Variants in SLC25A12 observed in about 807,000 individuals in gnomAD.
SLC25A12 encodes solute carrier family 25 member 12, also known as electrogenic aspartate/glutamate antiporter SLC25A12, mitochondrial.
In SLC25A12, 32 loss-of-function variants were observed where a neutral mutation model predicts 83.3. The ratio of observed to expected loss-of-function variants is 0.38; its 90% confidence interval spans 0.29 to 0.52. SLC25A12 has a LOEUF of 0.52. Ranked by LOEUF, SLC25A12 falls within the 20% of genes least tolerant of loss-of-function variation. SLC25A12 has a pLI of 0.84. For synonymous variants in SLC25A12, 267 were observed against 291.1 expected (o/e 0.92, Z 0.84); for missense variants, 611 against 835.6 (o/e 0.73, Z 3.31).
chr2:171,788,464 G>A (rs1226545316), intron 15 of SLC25A12: 1 of 167,674 alleles, frequency 6.0e-6, no homozygotes, highest in Non-Finnish European at 1.3e-5. Flanking sequence ...AGAGTTGACT[G>A]TGACTCCTTT....
intron 13 of SLC25A12, among the ~76,000 whole-genome samples, chr2:171,806,485 G>C (rs1683833552): frequency 6.6e-6 from 1 of 151,996 alleles, no homozygotes; most frequent in Non-Finnish European, 1.5e-5. Flanking sequence ...AAACAAACCA[G>C]ATAATAAAAC....
At chr2:171,847,583 C>CT (rs199794922) in intron 4 of SLC25A12, among the ~76,000 whole-genome samples, 198 of 152,078 alleles carry the variant, frequency 1.3e-3, no homozygotes, top group Middle Eastern at 3.4e-3. Context: ...AAACAAGGAT[C>CT]TTTTTTTTGC....
intron 5 of SLC25A12, among the ~76,000 whole-genome samples, chr2:171,843,766 G>C (rs1474136321): frequency 6.6e-6 from 1 of 151,090 alleles, no homozygotes; most frequent in African/African-American, 2.4e-5. Flanking sequence ...CTGTGATAAA[G>C]AGGGAGAGGA....
At chr2:171,820,663 G>C (rs1188281311) in intron 9 of SLC25A12, among the ~76,000 whole-genome samples, 1 of 142,254 alleles carries the variant, frequency 7.0e-6, no homozygotes, top group Non-Finnish European at 1.6e-5. Flanking sequence ...GGGAGGCGGA[G>C]CTTGCAGTGA....
rs1684334071 is a variant in SLC25A12, at chr2:171,827,647, G to A, written c.846-765C>T. 2.0e-5 allele frequency among the ~76,000 whole-genome samples: 3 copies of A among 152,210 alleles called. No individual in the cohort carries two copies. The South Asian group carries it at 6.2e-4, about 32-fold the overall frequency. ...GCTCTTGAGCTGCTTGCTCAAGCCT[G>A]CTCCTGATCTGTGGAGTATACTTTT... On this transcript the variant is annotated intron_variant, in intron 8 of 17. Coordinates refer to ENST00000422440, the MANE Select transcript of SLC25A12 (RefSeq NM_003705.5).
chr2:171,807,350 C>G (rs537690303), intron 13 of SLC25A12, among the ~76,000 whole-genome samples: 1 of 152,232 alleles, frequency 6.6e-6, no homozygotes, highest in South Asian at 2.1e-4. Context: ...TCAAGGCAAC[C>G]CAGACTTCAA....
At chr2:171,838,229 G>C (rs1164033030) in intron 5 of SLC25A12, among the ~76,000 whole-genome samples, 5 of 152,082 alleles carry the variant, frequency 3.3e-5, no homozygotes, top group African/African-American at 1.2e-4. Flanking sequence ...ACAAATTAAT[G>C]TTGCTTTAAC....
At chr2:171,838,773 C>G (rs932265306) in intron 5 of SLC25A12, among the ~76,000 whole-genome samples, 7 of 152,178 alleles carry the variant, frequency 4.6e-5, no homozygotes, top group African/African-American at 1.7e-4. Flanking sequence ...ATGAAAAAAT[C>G]ATAGAGTATG....
chr2:171,872,337 A>C (rs960787775), intron 2 of SLC25A12, among the ~76,000 whole-genome samples: 1 of 152,242 alleles, frequency 6.6e-6, no homozygotes, highest in Non-Finnish European at 1.5e-5. Flanking sequence ...TAAGGTATTT[A>C]CACTAATAGT....
rs539157497 is a variant in SLC25A12, at chr2:171,885,334, C to CT, written c.66+7870dup. On this transcript the variant is annotated intron_variant, in intron 2 of 17. Coordinates refer to ENST00000422440, the MANE Select transcript of SLC25A12 (RefSeq NM_003705.5). The stretch of plus-strand genomic sequence containing the variant: ...TCTGCCTTTAATGCCTAATACTGTT[C>CT]TTTTTTTTTTTAATGAGAACTCTAT... 8.3e-3 allele frequency among the ~76,000 whole-genome samples: 1,162 copies of CT among 140,676 alleles called. 16 individuals are homozygous for CT. The highest frequency in any genetic ancestry group is 0.025 in the African/African-American group (956 of 38,440). The allele number at this position is 140,676 out of a possible 152,430, so 92.3% of individuals were successfully genotyped here. A position where few individuals can be genotyped will look rare whatever the true frequency, so the allele number is the denominator to read the frequency against.
At chr2:171,820,658 G>A (rs1684168920) in intron 9 of SLC25A12, among the ~76,000 whole-genome samples, 1 of 143,868 alleles carries the variant, frequency 7.0e-6, no homozygotes, top group South Asian at 2.3e-4. Context: ...AACCCGGGAG[G>A]CGGAGCTTGC....
At chr2:171,872,440 C>T (rs1685475187) in intron 2 of SLC25A12, among the ~76,000 whole-genome samples, 2 of 151,742 alleles carry the variant, frequency 1.3e-5, no homozygotes, top group South Asian at 2.1e-4. Context: ...ATCACAAAAC[C>T]ACTAGAGTTA....
chr2:171,849,598 T>C (rs559615947), intron 4 of SLC25A12, among the ~76,000 whole-genome samples: 169 of 149,266 alleles, frequency 1.1e-3, no homozygotes, highest in African/African-American at 4.0e-3. Context: ...TTTTGCTCTG[T>C]TGCCCAGGCT....
At chr2:171,813,177 A>C (rs1683982273) in intron 11 of SLC25A12, among the ~76,000 whole-genome samples, 162 bp downstream of exon 11, 2 of 152,198 alleles carry the variant, frequency 1.3e-5, no homozygotes, top group African/African-American at 2.4e-5. Flanking sequence ...TAATCACCAG[A>C]AAGAATGCAA....
Position 171,855,815 on chromosome 2 carries a change from A to G in SLC25A12, c.325+19T>C. 1 of 1,361,714 alleles carries G rather than the reference A, an allele frequency of 7.3e-7. No individual in the cohort carries two copies. The allele number at this position is 1,361,714 out of a possible 1,614,324, so 84.4% of individuals were successfully genotyped here. On this transcript the variant is annotated intron_variant, in intron 4 of 17. Transcript: ENST00000422440. ...CCAGCATCATTAACTTATCACTTATAATCTTCTTTTTCCCTTACCAAATGT... is the reference window on the plus strand; with the variant it reads ...CCAGCATCATTAACTTATCACTTATGATCTTCTTTTTCCCTTACCAAATGT...
chr2:171,844,570 A>G (rs958526205), intron 4 of SLC25A12, 62 bp from the exon 5 acceptor site: 141 of 1,147,916 alleles, frequency 1.2e-4, no homozygotes, highest in Non-Finnish European at 1.7e-4. Flanking sequence ...AACCACTGCA[A>G]TGTTCCTACA....
At chr2:171,810,299 C>G (rs377668472) in intron 11 of SLC25A12, 23 bp from the exon 12 acceptor site, 1 of 1,600,556 alleles carries the variant, frequency 6.2e-7, no homozygotes, top group Non-Finnish European at 8.6e-7. Context: ...ACAGAATCAT[C>G]AGCAATATAG....
intron 2 of SLC25A12, 78 bp from the exon 3 acceptor site, chr2:171,868,901 GTAAAT>G (rs1208068417): frequency 8.3e-7 from 1 of 1,201,168 alleles, no homozygotes; most frequent in Non-Finnish European, 1.2e-6. Flanking sequence ...TTGTGAAAAG[GTAAAT>G]TAAAGGCCAG....
At chr2:171,785,650 A>G (rs1359590330) in intron 17 of SLC25A12, among the ~76,000 whole-genome samples, 175 bp from the exon 18 acceptor site, 2 of 152,210 alleles carry the variant, frequency 1.3e-5, no homozygotes, top group Non-Finnish European at 2.9e-5. Flanking sequence ...AGCTGCTTTG[A>G]CAGCAACTTA....
Sources: allele counts gnomAD v4.1 joint callset (sites outside exome capture counted in the v4.1 genomes callset), GRCh38; gene constraint gnomAD v4.1.1; transcripts MANE v1.5; gene names NCBI Gene and HGNC (gene_info 2026-07-23, HGNC 2026-07-21).